NEK7: variants seen among roughly 807,000 people sequenced by gnomAD.
NEK7 encodes serine/threonine-protein kinase Nek7.
In NEK7, 18 loss-of-function variants were observed where a neutral mutation model predicts 44.6. That is an observed-to-expected ratio of 0.40 (90% CI 0.28 to 0.60). The LOEUF (loss-of-function observed/expected upper bound fraction) is 0.60. NEK7 is among the 20% of genes least tolerant of loss of function. The pLI is 0.38. For synonymous variants in NEK7, 130 were observed against 121.1 expected (o/e 1.07, Z -0.48); for missense variants, 256 against 366.5 (o/e 0.70, Z 2.46).
intron 1 of NEK7, among the ~76,000 whole-genome samples, chr1:198,173,505 T>G (rs1008463183): frequency 6.6e-6 from 1 of 152,008 alleles, no homozygotes; most frequent in South Asian, 2.1e-4. Flanking sequence ...AAAGTAAAAT[T>G]TAACTTGTTA....
chr1:198,202,859 G>A (rs1233722214), intron 1 of NEK7, among the ~76,000 whole-genome samples: 3 of 152,138 alleles, frequency 2.0e-5, no homozygotes, highest in Admixed American at 6.5e-5. Context: ...TGAGATTTGG[G>A]TGGGGACACA....
chr1:198,288,737 C>T (rs1044332712), intron 7 of NEK7, among the ~76,000 whole-genome samples: 17 of 152,174 alleles, frequency 1.1e-4, no homozygotes, highest in African/African-American at 3.9e-4. Context: ...GTCCTGTTTA[C>T]TTCTGTCACC....
At chr1:198,277,883 C>A in intron 5 of NEK7, 78 bp from the exon 6 acceptor site, 1 of 761,184 alleles carries the variant, frequency 1.3e-6, no homozygotes, top group Non-Finnish European at 2.3e-6. Context: ...GTTTTTCTGA[C>A]TTACGGATTT....
At chr1:198,226,727 C>A (rs1239329755) in intron 1 of NEK7, among the ~76,000 whole-genome samples, 1 of 113,698 alleles carries the variant, frequency 8.8e-6, no homozygotes, top group Non-Finnish European at 1.7e-5. Flanking sequence ...CAGAAGGAGT[C>A]CTTCTAACAA....
At chr1:198,166,326 A>G (rs949506304) in intron 1 of NEK7, among the ~76,000 whole-genome samples, 7 of 152,242 alleles carry the variant, frequency 4.6e-5, no homozygotes, top group Non-Finnish European at 1.0e-4. Flanking sequence ...ACCACTGATA[A>G]TGTACCATTT....
chr1:198,298,900 G>A (rs557344538), intron 9 of NEK7, among the ~76,000 whole-genome samples: 5 of 152,220 alleles, frequency 3.3e-5, no homozygotes, highest in East Asian at 3.8e-4. Flanking sequence ...CTAGTGGTTC[G>A]TTGAAGTCGG....
intron 5 of NEK7, among the ~76,000 whole-genome samples, chr1:198,265,114 G>A (rs750605841): frequency 6.6e-6 from 1 of 152,018 alleles, no homozygotes; most frequent in East Asian, 1.9e-4. Context: ...GTCACACTAG[G>A]CTTGAAGGGA....
At chr1:198,211,124 C>G (rs1011694927) in intron 1 of NEK7, among the ~76,000 whole-genome samples, 4 of 152,126 alleles carry the variant, frequency 2.6e-5, no homozygotes, top group Non-Finnish European at 4.4e-5. Flanking sequence ...CAAAATTACT[C>G]TGCTTTATGA....
At chr1:198,204,990 A>G (rs1379617671) in intron 1 of NEK7, among the ~76,000 whole-genome samples, 2 of 152,068 alleles carry the variant, frequency 1.3e-5, no homozygotes, top group African/African-American at 2.4e-5. Flanking sequence ...ACAACAACTA[A>G]AATGCCCCAG....
At chr1:198,184,711 C>A (rs899829137) in intron 1 of NEK7, among the ~76,000 whole-genome samples, 29 of 152,118 alleles carry the variant, frequency 1.9e-4, no homozygotes, top group Non-Finnish European at 3.8e-4. Context: ...CTGTGTTGCC[C>A]AGGCTGGAGT....
intron 1 of NEK7, among the ~76,000 whole-genome samples, chr1:198,184,434 G>T (rs12409964): frequency 0.13 from 19,676 of 152,096 alleles, 1,538 homozygotes; most frequent in South Asian, 0.27. Context: ...GGAAAATGTA[G>T]AATATATTTT....
intron 2 of NEK7, among the ~76,000 whole-genome samples, chr1:198,241,452 G>T (rs1051898301): frequency 6.6e-6 from 1 of 152,194 alleles, no homozygotes; most frequent in Non-Finnish European, 1.5e-5. Context: ...TGTCCCTTAG[G>T]GGGTCAGGGG....
chr1:198,236,161 T>A (rs575879229), intron 2 of NEK7, among the ~76,000 whole-genome samples: 2 of 152,304 alleles, frequency 1.3e-5, no homozygotes, highest in Non-Finnish European at 2.9e-5. Flanking sequence ...TTAGACTTGA[T>A]AACTATATTA....
chr1:198,257,499 A>T (rs1262101233), intron 3 of NEK7, among the ~76,000 whole-genome samples: 2 of 152,082 alleles, frequency 1.3e-5, no homozygotes, highest in South Asian at 2.1e-4. Flanking sequence ...TATATTCGTA[A>T]CCTCTGTGGC....
intron 2 of NEK7, among the ~76,000 whole-genome samples, chr1:198,246,151 G>A (rs1666829137): frequency 6.6e-6 from 1 of 152,098 alleles, no homozygotes; most frequent in Admixed American, 6.6e-5. Flanking sequence ...AATCGCTACC[G>A]AAGTATATAG....
chr1:198,321,242 T>G lies in NEK7; in HGVS notation c.*1720T>G, dbSNP rs1655526404. On this transcript the variant is annotated 3_prime_UTR_variant, in exon 10 of 10. Transcript: ENST00000367385. Reference sequence around the variant, plus strand: ...CTGAAATCTAATCAGTTATGTATGGTTTCTGAAGGGTAATTTTATTTTGGA... The same window carrying G: ...CTGAAATCTAATCAGTTATGTATGGGTTCTGAAGGGTAATTTTATTTTGGA... The G allele has an allele frequency of 6.6e-6, 1 of 152,168 alleles. No homozygotes were observed. Among genetic ancestry groups the G allele is most frequent in the Non-Finnish European group, 1.5e-5 (1 of 68,024 alleles). 9.4% of individuals were successfully genotyped at this position (152,168 alleles called of 1,614,324 possible).
rs1235231747 is a variant in NEK7 at position 198,249,807 on chromosome 1, G to A, written c.58-3233G>A. ...TATTAGCCCTTTGTCAGATGAGTGG[G>A]TTGCGAAAATTTTCTCCCATTTTGT... On this transcript the variant is annotated intron_variant, in intron 2 of 9. Transcript: ENST00000367385. Among the ~76,000 whole-genome samples the A allele has an allele frequency of 4.2e-5, 5 of 119,818 alleles. No homozygotes were observed. The South Asian group carries it at 1.3e-3, about 32-fold the overall frequency. The allele number at this position is 119,818 out of a possible 152,430, so 78.6% of individuals were successfully genotyped here.
intron 5 of NEK7, among the ~76,000 whole-genome samples, chr1:198,268,052 C>T (rs1653711243): frequency 1.3e-5 from 2 of 151,962 alleles, no homozygotes; most frequent in South Asian, 4.1e-4. Context: ...TCTTGATTTT[C>T]TTCCTACCTC....
chr1:198,269,284 G>A (rs774453349), intron 5 of NEK7, among the ~76,000 whole-genome samples: 2 of 152,088 alleles, frequency 1.3e-5, no homozygotes, highest in African/African-American at 2.4e-5. Flanking sequence ...ATGGGTGGTT[G>A]TATAACTGTC....
Sources: allele counts gnomAD v4.1 joint callset (sites outside exome capture counted in the v4.1 genomes callset), GRCh38; gene constraint gnomAD v4.1.1; transcripts MANE v1.5; gene names NCBI Gene and HGNC (gene_info 2026-07-23, HGNC 2026-07-21).